The following PSORS1C1 variants were observed in gnomAD, a reference collection of about 807,000 sequenced individuals.
The protein encoded by PSORS1C1 is psoriasis susceptibility 1 candidate 1.
Under a neutral mutation model 9.4 loss-of-function variants are expected in PSORS1C1, and 7 were observed. That is an observed-to-expected ratio of 0.75 (90% CI 0.42 to 1.40). The LOEUF is 1.40. Ranked by LOEUF, PSORS1C1 falls within the 40% of genes most tolerant of loss-of-function variation. The probability of loss-of-function intolerance (pLI) is 0.01; values close to 1 mark genes in which losing one functional copy is unlikely to be tolerated. For synonymous variants in PSORS1C1, 63 were observed against 69.4 expected (o/e 0.91, Z 0.46); for missense variants, 146 against 178.1 (o/e 0.82, Z 1.02).
In PSORS1C1 at chr6:31,127,820, A is replaced by ACAC. The variant is rs28728471; in HGVS notation, c.-64-1749_-64-1748insCAC. 2.2e-3 allele frequency among the ~76,000 whole-genome samples: 337 copies of ACAC among 150,598 alleles called. 3 individuals are homozygous for ACAC. Among genetic ancestry groups the ACAC allele is most frequent in the Middle Eastern group, 6.9e-3 (2 of 288 alleles). ...CAAGAGCGAAACTCTGTCTCAAAAA[A>ACAC]ACACACATACACACACACGTTTGGG... On this transcript the variant is annotated intron_variant, in intron 2 of 5. Coordinates refer to ENST00000259881, the MANE Select transcript of PSORS1C1 (RefSeq NM_014068.3).
chr6:31,122,390 C>T (rs1772501126), intron 1 of PSORS1C1, among the ~76,000 whole-genome samples: 1 of 152,178 alleles, frequency 6.6e-6, no homozygotes, highest in South Asian at 2.1e-4. Flanking sequence ...CCTGAGTCTC[C>T]AGCCCAGCCA....
chr6:31,116,950 A>T, intron 1 of PSORS1C1: 1 of 1,614,124 alleles, frequency 6.2e-7, no homozygotes, highest in Non-Finnish European at 8.5e-7. Context: ...AGAGTCGGGG[A>T]TGTCCGAACT....
Position 31,128,526 on chromosome 6 carries a change from GA to G in PSORS1C1, c.-64-1042del, listed in dbSNP as rs1435385794. Among the ~76,000 whole-genome samples, 1 of 151,982 alleles carries G rather than the reference GA, an allele frequency of 6.6e-6. No individual in the cohort carries two copies. The highest frequency in any genetic ancestry group is 1.5e-5 in the Non-Finnish European group (1 of 68,002). On this transcript the variant is annotated intron_variant, in intron 2 of 5. Coordinates refer to ENST00000259881, the MANE Select transcript of PSORS1C1 (RefSeq NM_014068.3). This position sits in a 1 kb window ranked among gnomAD's most constrained non-coding sequence, Gnocchi z 4.3. ...ATTATACTGCAAAAGGAAAGGTGGGGATGGGGTGGGGACTGGGGAATTTGGG... is the reference window on the plus strand; with the variant it reads ...ATTATACTGCAAAAGGAAAGGTGGGGTGGGGTGGGGACTGGGGAATTTGGG...
chr6:31,116,906 C>T lies in PSORS1C1; in HGVS notation c.-229+2015C>T, dbSNP rs774336702. 77 of 1,613,950 alleles carry T rather than the reference C, an allele frequency of 4.8e-5. No individual in the cohort carries two copies. Among genetic ancestry groups the T allele is most frequent in the Non-Finnish European group, 6.1e-5 (72 of 1,179,960 alleles). ...GAGTGGGAGCTGGGGATGTAGGGGC[C>T]GGAGTGCGAGACGATGGGCCCTCCA... On this transcript the variant is annotated intron_variant, in intron 1 of 5. Transcript: ENST00000259881.
chr6:31,119,728 T>C (rs1772361165), intron 1 of PSORS1C1, among the ~76,000 whole-genome samples: 1 of 148,090 alleles, frequency 6.8e-6, no homozygotes, highest in Non-Finnish European at 1.5e-5. Flanking sequence ...TGAAACCCTG[T>C]TTCTACTAAA....
chr6:31,121,011 C>T (rs1772432050), intron 1 of PSORS1C1, among the ~76,000 whole-genome samples: 1 of 151,946 alleles, frequency 6.6e-6, no homozygotes, highest in Admixed American at 6.5e-5. Flanking sequence ...CCCCAGGCTC[C>T]CCCTCCCACC....
intron 3 of PSORS1C1, among the ~76,000 whole-genome samples, chr6:31,133,166 G>T (rs1207297439): frequency 1.3e-5 from 2 of 152,064 alleles, no homozygotes; most frequent in African/African-American, 4.8e-5. Context: ...TGGTAAAGGG[G>T]TTCAAGAAGA....
intron 3 of PSORS1C1, 92 bp from the exon 4 acceptor site, chr6:31,138,338 G>A: frequency 1.9e-6 from 3 of 1,607,768 alleles, no homozygotes; most frequent in Admixed American, 3.3e-5. Flanking sequence ...GGTAAGAGGT[G>A]GTGAGGGCTT....
chr6:31,136,389 T>TG (rs1773137223), intron 3 of PSORS1C1, among the ~76,000 whole-genome samples: 1 of 100,134 alleles, frequency 1.0e-5, no homozygotes, highest in Non-Finnish European at 2.0e-5. Flanking sequence ...ATAATACGTC[T>TG]CAAAAAAAAA....
Position 31,115,895 on chromosome 6 carries a change from C to A in PSORS1C1, c.-229+1004C>A. 1.3e-6 allele frequency: 1 copy of A among 792,810 alleles called. No homozygotes were observed. The allele number at this position is 792,810 out of a possible 1,614,324, so 49.1% of individuals were successfully genotyped here. ...TGCAACCTTGGGGTAGTGGAGAAAG[C>A]AGAACCACTCTTTTGGGAAGGAGGG... is the stretch of plus-strand genomic sequence containing the variant. On this transcript the variant is annotated intron_variant, in intron 1 of 5. Transcript: ENST00000259881. The surrounding 1 kb of genome is among the most constrained non-coding windows in gnomAD (Gnocchi z 4.2).
At chr6:31,133,930 C>G (rs1773027582) in intron 3 of PSORS1C1, among the ~76,000 whole-genome samples, 1 of 152,130 alleles carries the variant, frequency 6.6e-6, no homozygotes, top group South Asian at 2.1e-4. Flanking sequence ...TCAGATTATT[C>G]CTAAACCCTA....
At chr6:31,129,084 C>T (rs903465174) in intron 2 of PSORS1C1, among the ~76,000 whole-genome samples, 5 of 152,220 alleles carry the variant, frequency 3.3e-5, no homozygotes, top group Non-Finnish European at 7.3e-5. Context: ...AGACATCATT[C>T]GCTGCCCAAG....
rs771876000 is a variant in PSORS1C1 at position 31,117,212 on chromosome 6, C to A, written c.-229+2321C>A. On this transcript the variant is annotated intron_variant, in intron 1 of 5. Coordinates refer to ENST00000259881, the MANE Select transcript of PSORS1C1 (RefSeq NM_014068.3). ...TTTCCCGAGTGAGAGCTGCTGCTCC[C>A]CAGCTGGGAGGAACCGGATGCACCT... The A allele has an allele frequency of 2.5e-6, 4 of 1,613,952 alleles. No individual in the cohort carries two copies. In the East Asian group the frequency reaches 8.9e-5, roughly 36 times the overall value.
chr6:31,138,649 C>A lies in PSORS1C1; in HGVS notation c.44-7C>A, dbSNP rs1248809973. The A allele has an allele frequency of 6.2e-7, 1 of 1,612,976 alleles. No homozygotes were observed. The highest frequency in any genetic ancestry group is 8.5e-7 in the Non-Finnish European group (1 of 1,179,834). On this transcript the variant is annotated splice_region_variant and splice_polypyrimidine_tract_variant and intron_variant, in intron 4 of 5. Transcript: ENST00000259881. ...CAACCCAAAGTGGGTTACACCTTGG[C>A]CCCCAGGCACACAGACCCCAGCTTT...
At chr6:31,118,313 A>G (rs1401915609) in intron 1 of PSORS1C1, 1 of 152,470 alleles carries the variant, frequency 6.6e-6, no homozygotes, top group Non-Finnish European at 1.5e-5. Context: ...AGCACTGGCC[A>G]TGCCAGTAAA....
intron 2 of PSORS1C1, among the ~76,000 whole-genome samples, chr6:31,126,959 G>A (rs1232172765): frequency 1.3e-5 from 2 of 152,194 alleles, no homozygotes; most frequent in African/African-American, 4.8e-5. Context: ...ACAGTAGCAA[G>A]ACTGTTCCCC....
At chr6:31,138,159 C>G in intron 3 of PSORS1C1, 2 of 1,600,326 alleles carry the variant, frequency 1.2e-6, no homozygotes, top group Non-Finnish European at 1.7e-6. Flanking sequence ...ACGACTGGGG[C>G]GGGTAGGCGG....
At chr6:31,138,807 A>G (rs546549792) in intron 5 of PSORS1C1, 28 bp downstream of exon 5, 44 of 1,613,794 alleles carry the variant, frequency 2.7e-5, no homozygotes, top group Non-Finnish European at 3.6e-5. Flanking sequence ...CTTCTGCACC[A>G]TGTCCCCCAC....
intron 1 of PSORS1C1, among the ~76,000 whole-genome samples, chr6:31,123,681 C>T (rs1232698645): frequency 1.3e-5 from 2 of 152,240 alleles, no homozygotes; most frequent in Non-Finnish European, 2.9e-5. Context: ...ATGAAGCAGG[C>T]AGGTCACTGT....
Sources: gnomAD v4.1 joint callset for allele counts (sites outside exome capture counted in the v4.1 genomes callset) on GRCh38, gnomAD v4.1.1 for gene constraint, Gnocchi (gnomAD v3.1) non-coding constraint, MANE v1.5 for transcripts, NCBI Gene and HGNC (gene_info 2026-07-23, HGNC 2026-07-21) for gene names.